L3MBTL4: variants seen among roughly 807,000 people sequenced by gnomAD.
The protein encoded by L3MBTL4 is lethal(3)malignant brain tumor-like protein 4.
In L3MBTL4, 70 loss-of-function variants were observed where a neutral mutation model predicts 84.5. The observed-to-expected ratio is 0.83, with a 90% CI of 0.68 to 1.01. The LOEUF (loss-of-function observed/expected upper bound fraction) is 1.01. Ranked by LOEUF, L3MBTL4 falls within the 50% of genes least tolerant of loss-of-function variation. The probability of loss-of-function intolerance (pLI) is 0.00; values close to 1 mark genes in which losing one functional copy is unlikely to be tolerated. For missense variants in L3MBTL4, 715 were observed against 754.8 expected (o/e 0.95, Z 0.62); for synonymous variants, 274 against 259.8 (o/e 1.05, Z -0.52).
At chr18:6,251,834 G>A (rs2047935626) in intron 5 of L3MBTL4, among the ~76,000 whole-genome samples, 1 of 152,096 alleles carries the variant, frequency 6.6e-6, no homozygotes, top group African/African-American at 2.4e-5. Flanking sequence ...TCCTAAATGT[G>A]GGAATTTAAT....
At chr18:6,189,148 T>C (rs924092014) in intron 12 of L3MBTL4, among the ~76,000 whole-genome samples, 4 of 152,204 alleles carry the variant, frequency 2.6e-5, no homozygotes, top group African/African-American at 9.7e-5. Context: ...TCACATTGCA[T>C]CACTCCAATC....
chr18:6,291,402 C>T (rs2049859750), intron 4 of L3MBTL4, among the ~76,000 whole-genome samples: 1 of 152,042 alleles, frequency 6.6e-6, no homozygotes, highest in Non-Finnish European at 1.5e-5. Context: ...CAATCCTGAG[C>T]AAAAAGAGCA....
intron 4 of L3MBTL4, among the ~76,000 whole-genome samples, chr18:6,296,490 TAGAG>T (rs2050113969): frequency 6.6e-6 from 1 of 152,086 alleles, no homozygotes; most frequent in Non-Finnish European, 1.5e-5. Context: ...AGAAATAAAA[TAGAG>T]AGAAAAATAC....
intron 16 of L3MBTL4, among the ~76,000 whole-genome samples, chr18:6,058,512 C>T (rs1849519032): frequency 6.6e-6 from 1 of 151,992 alleles, no homozygotes; most frequent in African/African-American, 2.4e-5. Flanking sequence ...CCACGGTACC[C>T]ATAATCAAGA....
rs778529742 is a variant in L3MBTL4 at position 5,969,507 on chromosome 18, C to G, written c.1500G>C (p.Thr500=). 6.2e-7 allele frequency: 1 copy of G among 1,613,812 alleles called. No homozygotes were observed. The highest frequency in any genetic ancestry group is 8.5e-7 in the Non-Finnish European group (1 of 1,179,906). The change falls in exon 17 of 19, where the codon ACG becomes ACC. Residue 500 remains threonine, a synonymous_variant. Coordinates refer to ENST00000317931, the MANE Select transcript of L3MBTL4 (RefSeq NM_001330559.2). ...GGTCCCGAAAAGGGTGGGCTGACAC[C>G]GTGGACATGGACACTGACTGGTGAA... ...QVLHQSVSMS[T]VSAHPFRDLP...
chr18:6,054,795 T>A (rs541382064), intron 16 of L3MBTL4, among the ~76,000 whole-genome samples: 1 of 152,336 alleles, frequency 6.6e-6, no homozygotes, highest in Non-Finnish European at 1.5e-5. Flanking sequence ...GATGAACCCA[T>A]GAATGATGCT....
At chr18:6,319,157 T>C (rs1360987927) in intron 1 of L3MBTL4, among the ~76,000 whole-genome samples, 1 of 152,056 alleles carries the variant, frequency 6.6e-6, no homozygotes, top group Admixed American at 6.6e-5. Flanking sequence ...TTTACAATGT[T>C]AATGCCCATA....
At chr18:6,165,942 C>G (rs565026669) in intron 13 of L3MBTL4, among the ~76,000 whole-genome samples, 3 of 151,830 alleles carry the variant, frequency 2.0e-5, no homozygotes, top group East Asian at 1.9e-4. Flanking sequence ...ACCCATCTCA[C>G]GTGCAGAGAC....
At chr18:6,386,572 G>A (rs1049086536) in intron 1 of L3MBTL4, among the ~76,000 whole-genome samples, 1 of 152,206 alleles carries the variant, frequency 6.6e-6, no homozygotes, top group South Asian at 2.1e-4. Flanking sequence ...ATGCCAGGTT[G>A]TGATGAGTGC....
chr18:6,144,079 C>T (rs370061839), intron 13 of L3MBTL4, among the ~76,000 whole-genome samples: 1 of 151,620 alleles, frequency 6.6e-6, no homozygotes, highest in East Asian at 1.9e-4. Flanking sequence ...CCCTGTAGTC[C>T]CAGCTACTGG....
intron 16 of L3MBTL4, among the ~76,000 whole-genome samples, chr18:6,080,559 A>G (rs757279455): frequency 1.3e-5 from 2 of 152,206 alleles, no homozygotes; most frequent in Non-Finnish European, 1.5e-5. Context: ...GTTTCCCTCC[A>G]TGGCCTCTGC....
At chr18:6,345,969 CAGAT>C in intron 1 of L3MBTL4, among the ~76,000 whole-genome samples, 1 of 151,536 alleles carries the variant, frequency 6.6e-6, no homozygotes, top group Non-Finnish European at 1.5e-5. Context: ...AGCATAAAAA[CAGAT>C]ATATAGACCA....
At chr18:6,019,654 T>G (rs2055161770) in intron 16 of L3MBTL4, among the ~76,000 whole-genome samples, 1 of 152,204 alleles carries the variant, frequency 6.6e-6, no homozygotes, top group Admixed American at 6.5e-5. Context: ...AAGTGAGGTA[T>G]TATCTCCACT....
chr18:6,012,070 G>C (rs539621029), intron 16 of L3MBTL4, among the ~76,000 whole-genome samples: 3 of 152,292 alleles, frequency 2.0e-5, no homozygotes, highest in Non-Finnish European at 4.4e-5. Flanking sequence ...AAACCTGCGG[G>C]CTGCTGGACT....
At chr18:6,086,742 A>G (rs959202681) in intron 15 of L3MBTL4, among the ~76,000 whole-genome samples, 1 of 152,088 alleles carries the variant, frequency 6.6e-6, no homozygotes, top group African/African-American at 2.4e-5. Flanking sequence ...TTACTTCCCT[A>G]TGGCACCTGT....
At chr18:5,984,662 A>G (rs1284712301) in intron 16 of L3MBTL4, among the ~76,000 whole-genome samples, 2 of 152,098 alleles carry the variant, frequency 1.3e-5, no homozygotes, top group African/African-American at 2.4e-5. Flanking sequence ...ACCTTGATAC[A>G]TTATTTCTAT....
At chr18:6,186,899 C>T (rs184894179) in intron 12 of L3MBTL4, among the ~76,000 whole-genome samples, 1 of 152,180 alleles carries the variant, frequency 6.6e-6, no homozygotes, top group Non-Finnish European at 1.5e-5. Context: ...GACAAGCAAT[C>T]GAGAGGGCTA....
Position 6,246,869 on chromosome 18 carries a change from A to G in L3MBTL4, c.220-2281T>C, listed in dbSNP as rs949334665. Among the ~76,000 whole-genome samples the G allele has an allele frequency of 9.2e-5, 14 of 152,194 alleles. No individual in the cohort carries two copies. The East Asian group carries it at 2.3e-3, about 25-fold the overall frequency. ...CGGTGAGCCAAGATTGGGCCACTGC[A>G]CTCCAGCCTGGATGACAGAGTGAAA... On this transcript the variant is annotated intron_variant, in intron 5 of 18. Coordinates refer to ENST00000317931, the MANE Select transcript of L3MBTL4 (RefSeq NM_001330559.2).
chr18:6,294,632 T>C (rs2050009305), intron 4 of L3MBTL4, among the ~76,000 whole-genome samples: 2 of 152,328 alleles, frequency 1.3e-5, no homozygotes, highest in African/African-American at 4.8e-5. Flanking sequence ...GTAAGTGCAC[T>C]GCCTACAGGG....
Sources: gnomAD v4.1 joint callset for allele counts (sites outside exome capture counted in the v4.1 genomes callset) on GRCh38, gnomAD v4.1.1 for gene constraint, MANE v1.5 for transcripts, NCBI Gene and HGNC (gene_info 2026-07-23, HGNC 2026-07-21) for gene names.